SIN3B: variants seen among roughly 807,000 people sequenced by gnomAD.
SIN3B encodes the protein paired amphipathic helix protein Sin3b.
SIN3B carries 19 observed loss-of-function variants against 120.2 expected under a neutral mutation model. The ratio of observed to expected loss-of-function variants is 0.16; its 90% CI spans 0.11 to 0.23. The LOEUF (loss-of-function observed/expected upper bound fraction) is 0.23, where lower values mean the gene tolerates loss of function less well. Among genes scored for constraint, SIN3B ranks in the 10% least tolerant of loss-of-function variants. The probability of loss-of-function intolerance (pLI) is 1.00; values close to 1 mark genes in which losing one functional copy is unlikely to be tolerated. For synonymous variants in SIN3B, 654 were observed against 653.2 expected (o/e 1.00, Z -0.02); for missense variants, 1,073 against 1,573.0 (o/e 0.68, Z 5.38).
Position 16,829,442 on chromosome 19 carries a change from A to G in SIN3B, c.22A>G (p.Ser8Gly), listed in dbSNP as rs371279373. The change falls in exon 1 of 19, where the codon AGC (serine) becomes GGC (glycine). Residue 8 changes from serine (S) to glycine (G), a missense_variant. This residue lies in a region of SIN3B where 395 missense variants were observed against 528.0 expected (regional missense o/e 0.75). Transcript: ENST00000248054. MAHAGGG[S>G]GGSGAGGPAG... is the part of the protein sequence containing the mutation. ...GGACATGGCGCACGCTGGCGGTGGC[A>G]GCGGTGGCAGCGGTGCCGGCGGCCC... The G allele has an allele frequency of 3.8e-4, 458 of 1,211,182 alleles. 2 individuals carry two copies. The South Asian group carries it at 0.016, about 42-fold the overall frequency. 75.0% of individuals were successfully genotyped at this position (1,211,182 alleles called of 1,614,324 possible).
chr19:16,876,718 T>C lies in SIN3B; in HGVS notation c.2859+140T>C. 1 of 650,800 alleles carries C rather than the reference T, an allele frequency of 1.5e-6. No individual in the cohort carries two copies. The highest frequency in any genetic ancestry group is 2.6e-6 in the Non-Finnish European group (1 of 378,442). The allele number at this position is 650,800 out of a possible 1,614,324, so 40.3% of individuals were successfully genotyped here. ...CAGGCCACAGGCTCTCCTTGAGGCC[T>C]GGTGGGTGGGGTTGCCTCCCTCCCT... On this transcript the variant is annotated intron_variant, in intron 16 of 18. Transcript: ENST00000248054. This position sits in a 1 kb window ranked among gnomAD's most constrained non-coding sequence, Gnocchi z 7.1.
intron 3 of SIN3B, among the ~76,000 whole-genome samples, chr19:16,836,540 A>G (rs1280852533): frequency 1.3e-5 from 2 of 152,112 alleles, no homozygotes; most frequent in Admixed American, 1.3e-4. Context: ...TTCAGAATGC[A>G]TTGTTTCTTA....
Position 16,831,382 on chromosome 19 carries a change from T to C in SIN3B, c.228-112T>C, listed in dbSNP as rs538620135. 64 of 1,127,462 alleles carry C rather than the reference T, an allele frequency of 5.7e-5. No homozygotes were observed. In the East Asian group the frequency reaches 1.6e-3, roughly 28 times the overall value. 69.8% of individuals were successfully genotyped at this position (1,127,462 alleles called of 1,614,324 possible). ...CTGGTGGGTCACATTTTAGGTTCCT[T>C]TGTTGTCTGTTGAGAAGGTTTTTAT... On this transcript the variant is annotated intron_variant, in intron 2 of 18. Coordinates refer to ENST00000248054, the MANE Select transcript of SIN3B (RefSeq NM_001297595.2).
In SIN3B at chr19:16,880,302, T is replaced by G. The variant is rs1327267908; in HGVS notation, c.*1575T>G. The G allele has an allele frequency of 6.6e-6, 1 of 152,252 alleles. No homozygotes were observed. The highest frequency in any genetic ancestry group is 1.5e-5 in the Non-Finnish European group (1 of 68,060). 9.4% of individuals were successfully genotyped at this position (152,252 alleles called of 1,614,324 possible). ...CCTTTGCAGCTGTTTTGAATGTAGT[T>G]TTCCTTTTCTATTTATTTGCACATT... On this transcript the variant is annotated 3_prime_UTR_variant, in exon 19 of 19. Coordinates refer to ENST00000248054, the MANE Select transcript of SIN3B (RefSeq NM_001297595.2).
At chr19:16,829,638 G>A (rs1257366879) in intron 1 of SIN3B, 98 bp downstream of exon 1, 1 of 771,988 alleles carries the variant, frequency 1.3e-6, no homozygotes, top group Non-Finnish European at 1.5e-6. Context: ...GCCCCACCTC[G>A]GCCTCCCCTC....
intron 5 of SIN3B, among the ~76,000 whole-genome samples, chr19:16,848,013 C>T (rs991414276): frequency 2.6e-5 from 4 of 152,170 alleles, no homozygotes; most frequent in Admixed American, 2.6e-4. Flanking sequence ...CATATGTGGC[C>T]TTTGTGTCTG....
intron 14 of SIN3B, among the ~76,000 whole-genome samples, chr19:16,875,048 TTGGTC>T (rs1488628052): frequency 6.6e-6 from 1 of 150,550 alleles, no homozygotes; most frequent in Non-Finnish European, 1.5e-5. Context: ...TGGTCTGGTT[TTGGTC>T]TGGTTTGGTT....
chr19:16,839,221 A>G (rs1248552284), intron 3 of SIN3B, among the ~76,000 whole-genome samples: 2 of 149,712 alleles, frequency 1.3e-5, no homozygotes, highest in African/African-American at 2.5e-5. Flanking sequence ...GTCCACCTCA[A>G]CCTCCCAAAG....
intron 14 of SIN3B, among the ~76,000 whole-genome samples, chr19:16,873,566 G>C (rs1323631594): frequency 6.7e-6 from 1 of 150,340 alleles, no homozygotes; most frequent in South Asian, 2.1e-4. Flanking sequence ...CCATGGCTTC[G>C]GGGACAGCAA....
chr19:16,875,030 G>T (rs2051571027), intron 14 of SIN3B, among the ~76,000 whole-genome samples: 1 of 151,422 alleles, frequency 6.6e-6, no homozygotes, highest in South Asian at 2.1e-4. Flanking sequence ...GTCTGGTTTG[G>T]TCTGGTCTGG....
intron 5 of SIN3B, among the ~76,000 whole-genome samples, chr19:16,847,389 A>G (rs570541800): frequency 3.0e-4 from 45 of 152,306 alleles, no homozygotes; most frequent in Admixed American, 9.1e-4. Flanking sequence ...AGTGGAGACT[A>G]TGGGCCCAGG....
intron 3 of SIN3B, among the ~76,000 whole-genome samples, chr19:16,835,043 C>T (rs1459356685): frequency 1.3e-5 from 2 of 151,874 alleles, no homozygotes; most frequent in African/African-American, 4.8e-5. Context: ...TCTCCTCCCT[C>T]AGCCTCCTGA....
intron 8 of SIN3B, among the ~76,000 whole-genome samples, chr19:16,856,605 T>C (rs911879952): frequency 4.6e-5 from 7 of 151,890 alleles, no homozygotes; most frequent in Admixed American, 2.0e-4. Flanking sequence ...AGAGTCTTGC[T>C]CTGTTGCCCA....
chr19:16,836,069 A>G (rs753755142), intron 3 of SIN3B, among the ~76,000 whole-genome samples: 1 of 152,238 alleles, frequency 6.6e-6, no homozygotes, highest in Non-Finnish European at 1.5e-5. Context: ...AGGAAGGTGA[A>G]TAAGAGAGTC....
Position 16,870,060 on chromosome 19 carries a change from C to T in SIN3B, c.2407C>T (p.Arg803Trp). 1 of 1,601,640 alleles carries T rather than the reference C, an allele frequency of 6.2e-7. No homozygotes were observed. Among genetic ancestry groups the T allele is most frequent in the Non-Finnish European group, 8.5e-7 (1 of 1,173,762 alleles). Residue 803 changes from arginine to tryptophan, a missense_variant, in exon 13 of 19, where the codon CGG becomes TGG. Physicochemically the swap from Arg to Trp is moderately radical, Grantham distance 101. Coordinates refer to ENST00000248054, the MANE Select transcript of SIN3B (RefSeq NM_001297595.2). ...GGGCAGCGACCCCGCCATGGAGCTG[C>T]GGCTGAAGCAGCCCAGTAAGGCTCC... The part of the protein sequence containing the change: ...EKGSDPAMEL[R>W]LKQPSEVELE...
At chr19:16,834,447 G>A (rs1468438229) in intron 3 of SIN3B, among the ~76,000 whole-genome samples, 1 of 152,170 alleles carries the variant, frequency 6.6e-6, no homozygotes, top group African/African-American at 2.4e-5. Flanking sequence ...AAGTAGCTGC[G>A]GGTCCCCAAC....
chr19:16,875,581 TTTGG>T (rs1345230568), intron 14 of SIN3B, among the ~76,000 whole-genome samples: 2 of 146,150 alleles, frequency 1.4e-5, no homozygotes, highest in African/African-American at 5.1e-5. Flanking sequence ...TCTGGTCTGG[TTTGG>T]TTTTGGTTTG....
chr19:16,844,404 T>C (rs994528774), intron 4 of SIN3B, among the ~76,000 whole-genome samples: 3 of 152,174 alleles, frequency 2.0e-5, no homozygotes, highest in African/African-American at 7.2e-5. Context: ...ATCCGTAAAA[T>C]GGCCACAAAA....
At chr19:16,877,484 G>A (rs2051624093) in intron 16 of SIN3B, 61 bp from the exon 17 acceptor site, 4 of 1,272,946 alleles carry the variant, frequency 3.1e-6, no homozygotes, top group Non-Finnish European at 4.5e-6. Context: ...AGAGTCCAGA[G>A]TAAGAGTGGC....
Sources: gnomAD v4.1 joint callset for allele counts (sites outside exome capture counted in the v4.1 genomes callset) on GRCh38, gnomAD v4.1.1 for gene constraint, gnomAD v4.1.1 regional missense constraint, Gnocchi (gnomAD v3.1) non-coding constraint, MANE v1.5 for transcripts, NCBI Gene and HGNC (gene_info 2026-07-23, HGNC 2026-07-21) for gene names.